Variants in PAX9 observed in about 807,000 individuals in gnomAD.
The protein encoded by PAX9 is paired box 9.
Under a neutral mutation model 29.1 loss-of-function variants are expected in PAX9, and 6 were observed. That is an observed-to-expected ratio of 0.21 (90% CI 0.11 to 0.41). The LOEUF (loss-of-function observed/expected upper bound fraction) is 0.41. Ranked by LOEUF, PAX9 falls within the 10% of genes least tolerant of loss-of-function variation. The pLI is 1.00. For synonymous variants in PAX9, 217 were observed against 211.7 expected, an observed-to-expected ratio of 1.03 and a Z score of -0.22; for missense variants, 443 against 479.1, an observed-to-expected ratio of 0.92 and a Z score of 0.70.
Position 36,661,987 on chromosome 14 carries a change from G to C in PAX9, c.-103G>C. 2 of 1,455,158 alleles carry C rather than the reference G, an allele frequency of 1.4e-6. No individual in the cohort carries two copies. The highest frequency in any genetic ancestry group is 1.9e-6 in the Non-Finnish European group (2 of 1,060,848). The allele number at this position is 1,455,158 out of a possible 1,614,324, so 90.1% of individuals were successfully genotyped here. ...CCTCCTGGGAAGAAGCGGAGGCGCC[G>C]GCGGTCGGCCGGGATAGCAACAGGC... On this transcript the variant is annotated 5_prime_UTR_variant, in exon 1 of 4. Coordinates refer to ENST00000361487, the MANE Select transcript of PAX9 (RefSeq NM_001372076.1).
upstream of PAX9, chr14:36,658,582 A>T (rs1005395705): frequency 2.6e-5 from 4 of 152,372 alleles, no homozygotes; most frequent in Non-Finnish European, 4.4e-5. Context: ...GGGTCGGTCC[A>T]GGTTGGGGAT....
At position 36,663,499 on chromosome 14, in the gene PAX9, G is replaced by A. The variant is rs757061208; in HGVS notation, c.607G>A (p.Gly203Ser). Residue 203 changes from glycine (G) to serine (S), a missense_variant, in exon 2 of 4, where the codon GGC becomes AGC. Gly to Ser is a moderately conservative substitution (Grantham distance 56). Coordinates refer to ENST00000361487, the MANE Select transcript of PAX9 (RefSeq NM_001372076.1). ...CTCGCACTCCGTCACCGACATCCTG[G>A]GCATCCGCTCCATCACCGACCAAGG... Reference protein sequence around the residue: ...PSSHSVTDILGIRSITDQVSD... With the variant: ...PSSHSVTDILSIRSITDQVSD... 11 of 1,612,950 alleles carry A rather than the reference G, an allele frequency of 6.8e-6. No individual in the cohort carries two copies. The highest frequency in any genetic ancestry group is 5.0e-5 in the Admixed American group (3 of 60,018).
At chr14:36,658,237 C>T (rs1881107072), upstream of PAX9, among the ~76,000 whole-genome samples, 1 of 152,154 alleles carries the variant, frequency 6.6e-6, no homozygotes, top group Non-Finnish European at 1.5e-5. Context: ...CTTGCCTTTA[C>T]TGCATTTGCC....
chr14:36,672,177 G>A (rs1299744696), intron 3 of PAX9: 3 of 152,128 alleles, frequency 2.0e-5, no homozygotes, highest in African/African-American at 7.2e-5. Flanking sequence ...TGGAAAATTT[G>A]TTTACTCTTC....
At chr14:36,672,132 G>A (rs573581076) in intron 3 of PAX9, 2 of 152,298 alleles carry the variant, frequency 1.3e-5, no homozygotes, top group African/African-American at 4.8e-5. Flanking sequence ...TCAAAAATGA[G>A]ATTTCCATTA....
At chr14:36,674,336 G>GA in intron 3 of PAX9, among the ~76,000 whole-genome samples, 1 of 152,296 alleles carries the variant, frequency 6.6e-6, no homozygotes, top group East Asian at 1.9e-4. Context: ...AAGTGTTCAG[G>GA]AAAAACAGTA....
In PAX9 at chr14:36,662,112, CTCTG is replaced by C; in HGVS notation, c.4+22_4+25del. ...GCAATGGGTGAGTGGCGGCGGGGGACTCTGTCAGAGCCGGGAAGGGAGGGAGGGA... is the reference window on the plus strand; with the variant it reads ...GCAATGGGTGAGTGGCGGCGGGGGACTCAGAGCCGGGAAGGGAGGGAGGGA... On this transcript the variant is annotated intron_variant, in intron 1 of 3. Coordinates refer to ENST00000361487, the MANE Select transcript of PAX9 (RefSeq NM_001372076.1). 1.5e-6 allele frequency: 2 copies of C among 1,310,974 alleles called. No individual in the cohort carries two copies. Among genetic ancestry groups the C allele is most frequent in the Non-Finnish European group, 2.0e-6 (2 of 998,270 alleles). The allele number at this position is 1,310,974 out of a possible 1,614,324, so 81.2% of individuals were successfully genotyped here.
chr14:36,663,206 G>T lies in PAX9; in HGVS notation c.314G>T (p.Arg105Leu), dbSNP rs752908209. 6.2e-7 allele frequency: 1 copy of T among 1,614,084 alleles called. No homozygotes were observed. Among genetic ancestry groups the T allele is most frequent in the Non-Finnish European group, 8.5e-7 (1 of 1,180,024 alleles). The change falls in exon 2 of 4, where the codon CGC becomes CTC. Residue 105 changes from arginine (R) to leucine (L), a missense_variant. This residue lies in a region of PAX9 where 107 missense variants were observed against 161.9 expected (regional missense o/e 0.66). Coordinates refer to ENST00000361487, the MANE Select transcript of PAX9 (RefSeq NM_001372076.1). ...PGIFAWEIRD[R>L]LLADGVCDKY... ...ATCTTCGCCTGGGAGATCCGGGACC[G>T]CCTGCTGGCGGACGGCGTGTGCGAC... is the stretch of plus-strand genomic sequence containing the variant.
At chr14:36,668,773 A>C (rs1881601807) in intron 3 of PAX9, among the ~76,000 whole-genome samples, 1 of 152,204 alleles carries the variant, frequency 6.6e-6, no homozygotes, top group Admixed American at 6.5e-5. Context: ...CTTCAAAACT[A>C]AACTGACAAA....
chr14:36,665,130 A>G (rs536764442), intron 2 of PAX9, among the ~76,000 whole-genome samples: 12 of 149,142 alleles, frequency 8.0e-5, no homozygotes, highest in East Asian at 2.0e-4. Context: ...ATGGGACTCA[A>G]TCTAATTCTT....
upstream of PAX9, among the ~76,000 whole-genome samples, chr14:36,659,991 T>G (rs1203684381): frequency 6.6e-6 from 1 of 152,146 alleles, no homozygotes; most frequent in African/African-American, 2.4e-5. Flanking sequence ...AAATTTTCCC[T>G]GGGTGCACGG....
upstream of PAX9, among the ~76,000 whole-genome samples, chr14:36,658,056 C>CCCTGGG (rs1365509191): frequency 6.6e-6 from 1 of 152,088 alleles, no homozygotes; most frequent in Non-Finnish European, 1.5e-5. Flanking sequence ...CCCTCCCTCG[C>CCCTGGG]CCTGGGCGCG....
chr14:36,672,847 T>G (rs1446088708), intron 3 of PAX9, among the ~76,000 whole-genome samples: 3 of 131,986 alleles, frequency 2.3e-5, no homozygotes, highest in Non-Finnish European at 4.8e-5. Flanking sequence ...TTTCTTTCTT[T>G]CTTCCTTTTT....
Position 36,661,867 on chromosome 14 carries a change from C to A in PAX9, c.-223C>A, listed in dbSNP as rs960354660. 1.6e-6 allele frequency: 1 copy of A among 633,402 alleles called. No homozygotes were observed. The allele number at this position is 633,402 out of a possible 1,614,324, so 39.2% of individuals were successfully genotyped here. A position where few individuals can be genotyped will look rare whatever the true frequency, so the allele number is the denominator to read the frequency against. On this transcript the variant is annotated 5_prime_UTR_variant, in exon 1 of 4. Transcript: ENST00000361487. Reference sequence around the variant, plus strand: ...AGCCGCCCTGCCCTGCTCAGCCCAGCCCACGTTGCTGCTTAGATTGAAATG... The same window carrying A: ...AGCCGCCCTGCCCTGCTCAGCCCAGACCACGTTGCTGCTTAGATTGAAATG...
intron 2 of PAX9, among the ~76,000 whole-genome samples, chr14:36,665,535 G>A (rs1881457276): frequency 1.3e-5 from 2 of 152,018 alleles, no homozygotes; most frequent in African/African-American, 4.8e-5. Context: ...CCTGGTCACT[G>A]AAAAATGCCA....
chr14:36,662,109 G>T lies in PAX9; in HGVS notation c.4+16G>T. Reference sequence around the variant, plus strand: ...GGAGCAATGGGTGAGTGGCGGCGGGGGACTCTGTCAGAGCCGGGAAGGGAG... The same window carrying T: ...GGAGCAATGGGTGAGTGGCGGCGGGTGACTCTGTCAGAGCCGGGAAGGGAG... On this transcript the variant is annotated intron_variant, in intron 1 of 3. Coordinates refer to ENST00000361487, the MANE Select transcript of PAX9 (RefSeq NM_001372076.1). The T allele has an allele frequency of 1.3e-6, 2 of 1,502,752 alleles. No individual in the cohort carries two copies. Among genetic ancestry groups the T allele is most frequent in the Non-Finnish European group, 1.8e-6 (2 of 1,119,216 alleles). 93.1% of individuals were successfully genotyped at this position (1,502,752 alleles called of 1,614,324 possible).
At position 36,676,536 on chromosome 14, in the gene PAX9, C is replaced by A. The variant is rs888155128; in HGVS notation, c.*84C>A. The A allele has an allele frequency of 3.9e-5, 57 of 1,472,726 alleles. No individual in the cohort carries two copies. The highest frequency in any genetic ancestry group is 4.5e-5 in the Non-Finnish European group (48 of 1,075,936). 91.2% of individuals were successfully genotyped at this position (1,472,726 alleles called of 1,614,324 possible). On this transcript the variant is annotated 3_prime_UTR_variant, in exon 4 of 4. Transcript: ENST00000361487. ...CCAATTCCCAGGTCTCACATCCCACCCCTCCTGCCCTCCAACCCTTCTGCC... is the reference window on the plus strand; with the variant it reads ...CCAATTCCCAGGTCTCACATCCCACACCTCCTGCCCTCCAACCCTTCTGCC...
chr14:36,678,615 ATTCTT>A lies in PAX9; in HGVS notation c.*2165_*2169del. On this transcript the variant is annotated 3_prime_UTR_variant, in exon 4 of 4. Coordinates refer to ENST00000361487, the MANE Select transcript of PAX9 (RefSeq NM_001372076.1). ...AAAAACTGATGTAAGGTACAGAACT[ATTCTT>A]TATCAAATGTTTTTAGGTGGCTGTT... The A allele has an allele frequency of 7.5e-7, 1 of 1,335,382 alleles. No homozygotes were observed. Among genetic ancestry groups the A allele is most frequent in the South Asian group, 2.4e-5 (1 of 42,272 alleles). 82.7% of individuals were successfully genotyped at this position (1,335,382 alleles called of 1,614,324 possible).
At chr14:36,658,451 G>A (rs1414422349), upstream of PAX9, 1 of 151,864 alleles carries the variant, frequency 6.6e-6, no homozygotes, top group Non-Finnish European at 1.5e-5. Flanking sequence ...AGCTCTGCTT[G>A]TCATAACTGC....
Sources: allele counts gnomAD v4.1 joint callset (sites outside exome capture counted in the v4.1 genomes callset), GRCh38; gene constraint gnomAD v4.1.1; regional missense constraint gnomAD v4.1.1; transcripts MANE v1.5; gene names NCBI Gene and HGNC (gene_info 2026-07-23, HGNC 2026-07-21).